ZFY: variants seen among roughly 807,000 people sequenced by gnomAD.
The protein encoded by ZFY is zinc finger protein Y-linked.
For missense variants in ZFY, 113 were observed against 170.9 expected (o/e 0.66, Z 1.89); for synonymous variants, 47 against 55.8 (o/e 0.84, Z 0.71).
At chrY:2,972,430 G>GT (rs2051350894) in intron 3 of ZFY, among the ~76,000 whole-genome samples, 6 of 32,891 alleles carry the variant, frequency 1.8e-4, no homozygotes, top group Admixed American at 5.6e-4. Context: ...TTGTATTTTT[G>GT]TTTTTTTTAT....
intron 1 of ZFY, among the ~76,000 whole-genome samples, chrY:2,950,206 C>G: frequency 3.1e-5 from 1 of 32,215 alleles, no homozygotes; most frequent in Non-Finnish European, 7.6e-5. Context: ...TGCACCACGA[C>G]GTCCAGCTAA....
intron 1 of ZFY, among the ~76,000 whole-genome samples, chrY:2,948,251 C>A (rs2051267718): frequency 3.0e-5 from 1 of 33,665 alleles, no homozygotes; most frequent in Non-Finnish European, 7.4e-5. Flanking sequence ...CATTGAGCAG[C>A]CTTCTTAGCA....
chrY:2,941,843 A>G, intron 1 of ZFY, among the ~76,000 whole-genome samples: 7 of 31,901 alleles, frequency 2.2e-4, no homozygotes, highest in Non-Finnish European at 7.6e-5. Context: ...GGTTTTGGAG[A>G]TGGAATAATA....
chrY:2,949,175 G>C (rs2051271291), intron 1 of ZFY, among the ~76,000 whole-genome samples: 1 of 30,698 alleles, frequency 3.3e-5, no homozygotes, highest in African/African-American at 1.3e-4. Context: ...TAGTTCTGTT[G>C]CCCAGGCTGG....
chrY:2,967,934 A>G, intron 3 of ZFY, among the ~76,000 whole-genome samples: 2 of 33,144 alleles, frequency 6.0e-5, no homozygotes, highest in South Asian at 1.3e-3. Flanking sequence ...CCCACATCAA[A>G]ATACTCAATG....
intron 1 of ZFY, among the ~76,000 whole-genome samples, chrY:2,943,909 T>C (rs2051253541): frequency 3.0e-5 from 1 of 33,512 alleles, no homozygotes; most frequent in Non-Finnish European, 7.4e-5. Flanking sequence ...GATAAGGACA[T>C]TGAACAGCAG....
chrY:2,975,091 T>A lies in ZFY; in HGVS notation c.635-4T>A. On this transcript the variant is annotated splice_region_variant and splice_polypyrimidine_tract_variant and intron_variant, in intron 3 of 7. Transcript: ENST00000155093. ...GGTTGATGATATATTTTCTGCCTTT[T>A]CAGTGGATGATGCTGGCAAAATAGA... 2.5e-6 allele frequency: 1 copy of A among 398,439 alleles called. No homozygotes were observed.
intron 2 of ZFY, among the ~76,000 whole-genome samples, chrY:2,955,581 T>C (rs2051290643): frequency 8.7e-5 from 3 of 34,394 alleles, no homozygotes; most frequent in Non-Finnish European, 2.2e-4. Context: ...CCTTTGAGTC[T>C]TCCTTGCCAT....
At chrY:2,964,694 C>T in intron 3 of ZFY, among the ~76,000 whole-genome samples, 1 of 32,441 alleles carries the variant, frequency 3.1e-5, no homozygotes, top group African/African-American at 1.2e-4. Flanking sequence ...TCCTCCCAAG[C>T]TGTACGTTAG....
chrY:2,939,015 AT>A (rs2051230516), intron 1 of ZFY, among the ~76,000 whole-genome samples: 2 of 20,015 alleles, frequency 1.0e-4, no homozygotes, highest in South Asian at 1.1e-3. Flanking sequence ...ATATATATAT[AT>A]ATATATAAAT....
intron 1 of ZFY, among the ~76,000 whole-genome samples, chrY:2,939,385 G>A (rs568234891): frequency 1.6e-4 from 5 of 32,141 alleles, no homozygotes; most frequent in African/African-American, 2.4e-4. Context: ...AGTTTCACTA[G>A]TCCTTCTATT....
chrY:2,974,906 GTGCCAC>G (rs2051361328), intron 3 of ZFY, among the ~76,000 whole-genome samples, 183 bp from the exon 4 acceptor site: 3 of 34,106 alleles, frequency 8.8e-5, no homozygotes, highest in Admixed American at 2.6e-4. Flanking sequence ...AACTATAATT[GTGCCAC>G]TGTACTCTAG....
intron 1 of ZFY, among the ~76,000 whole-genome samples, chrY:2,951,362 A>G: frequency 3.0e-5 from 1 of 33,333 alleles, no homozygotes. Context: ...CCCTTCTTAT[A>G]ATAGGTTTCC....
At position 2,980,316 on chromosome Y, in the gene ZFY, A is replaced by G; in HGVS notation, c.*323A>G. 1 of 67,702 alleles carries G rather than the reference A, an allele frequency of 1.5e-5. No homozygotes were observed. The highest frequency in any genetic ancestry group is 3.0e-5 in the Non-Finnish European group (1 of 33,112). The allele number at this position is 67,702 out of a possible 400,897, so 16.9% of individuals were successfully genotyped here. A position where few individuals can be genotyped will look rare whatever the true frequency, so the allele number is the denominator to read the frequency against. ...GTTCATGGTACTCTTCTAAGACAAA[A>G]TCAGATTGATAACTATGAAAGTAAC... On this transcript the variant is annotated 3_prime_UTR_variant, in exon 8 of 8. Transcript: ENST00000155093.
At chrY:2,959,125 A>T in intron 2 of ZFY, among the ~76,000 whole-genome samples, 1 of 33,425 alleles carries the variant, frequency 3.0e-5, no homozygotes, top group Non-Finnish European at 7.4e-5. Flanking sequence ...AAAACTCAGT[A>T]TTTTTTAGTG....
Position 2,964,985 on chromosome Y carries a change from T to C in ZFY, c.634+3339T>C, listed in dbSNP as rs777734276. Among the ~76,000 whole-genome samples the C allele has an allele frequency of 9.0e-5, 3 of 33,284 alleles. No individual in the cohort carries two copies. In the East Asian group the frequency reaches 2.3e-3, roughly 26 times the overall value. The allele number at this position is 33,284 out of a possible 37,273, so 89.3% of individuals were successfully genotyped here. ...TCACGATTGCAGTGAGTTATGATTA[T>C]GCTACTGCACTTCAACCAAGAGCAA... On this transcript the variant is annotated intron_variant, in intron 3 of 7. Transcript: ENST00000155093.
At position 2,980,963 on chromosome Y, in the gene ZFY, A is replaced by G. The variant is rs2051398087; in HGVS notation, c.*970A>G. 3.0e-5 allele frequency: 1 copy of G among 33,773 alleles called. No homozygotes were observed. The highest frequency in any genetic ancestry group is 2.8e-4 in the Admixed American group (1 of 3,611). 8.4% of individuals were successfully genotyped at this position (33,773 alleles called of 400,897 possible). A position where few individuals can be genotyped will look rare whatever the true frequency, so the allele number is the denominator to read the frequency against. On this transcript the variant is annotated 3_prime_UTR_variant, in exon 8 of 8. Transcript: ENST00000155093. ...GAATAATTAAAAAGAAAAGGACATTAGGAGAGTGAAAATCTTCTCTTCAAA... is the reference window on the plus strand; with the variant it reads ...GAATAATTAAAAAGAAAAGGACATTGGGAGAGTGAAAATCTTCTCTTCAAA...
intron 1 of ZFY, among the ~76,000 whole-genome samples, chrY:2,938,975 TAC>T (rs2051227365): frequency 9.4e-5 from 1 of 10,614 alleles, no homozygotes; most frequent in Admixed American, 1.2e-3. Flanking sequence ...TCAAAAAGCA[TAC>T]AGTGCTTATA....
In ZFY at chrY:2,961,180, T is replaced by C; in HGVS notation, c.168T>C (p.Val56=). The part of the protein sequence containing the change: ...VDSDITVHNF[V]PDDPDSVVIQ... Reference sequence around the variant, plus strand: ...CTGACATAACTGTGCATAACTTTGTTCCTGATGACCCAGACTCAGTTGTAA... The same window carrying C: ...CTGACATAACTGTGCATAACTTTGTCCCTGATGACCCAGACTCAGTTGTAA... Residue 56 remains valine (V), a synonymous_variant, in exon 3 of 8, where the codon GTT becomes GTC. Coordinates refer to ENST00000155093, the MANE Select transcript of ZFY (RefSeq NM_003411.4). The C allele has an allele frequency of 1.3e-5, 5 of 398,810 alleles. No homozygotes were observed. The highest frequency in any genetic ancestry group is 1.8e-5 in the Non-Finnish European group (5 of 283,387).
Sources: gnomAD v4.1 joint callset for allele counts (sites outside exome capture counted in the v4.1 genomes callset) on GRCh38, gnomAD v4.1.1 for gene constraint, MANE v1.5 for transcripts, NCBI Gene and HGNC (gene_info 2026-07-23, HGNC 2026-07-21) for gene names.